Variants in DLG2 observed in about 807,000 individuals in gnomAD.
DLG2 encodes the protein disks large homolog 2.
A neutral mutation model predicts 132.5 loss-of-function variants in DLG2; 45 were observed. The observed-to-expected ratio is 0.34, with a 90% CI of 0.27 to 0.44. The LOEUF (loss-of-function observed/expected upper bound fraction) is 0.44, where lower values mean the gene tolerates loss of function less well. DLG2 is among the 20% of genes least tolerant of loss of function. The probability of loss-of-function intolerance (pLI) is 1.00; values close to 1 mark genes in which losing one functional copy is unlikely to be tolerated. For synonymous variants in DLG2, 424 were observed against 419.6 expected (o/e 1.01, Z -0.13); for missense variants, 1,045 against 1,196.9 (o/e 0.87, Z 1.87).
At chr11:84,934,396 T>A (rs1289559053) in intron 6 of DLG2, among the ~76,000 whole-genome samples, 2 of 151,774 alleles carry the variant, frequency 1.3e-5, no homozygotes, top group African/African-American at 4.8e-5. Flanking sequence ...ACAGAATGAG[T>A]CAGGGAGGAG....
At position 84,520,995 on chromosome 11, in the gene DLG2, T is replaced by C. The variant is rs544048839; in HGVS notation, c.519+13575A>G. Among the ~76,000 whole-genome samples, 44 of 152,314 alleles carry C rather than the reference T, an allele frequency of 2.9e-4. 1 individual carries two copies. In the East Asian group the frequency reaches 3.1e-3, roughly 11 times the overall value. On this transcript the variant is annotated intron_variant, in intron 7 of 27. Transcript: ENST00000376104. Reference sequence around the variant, plus strand: ...AGCATCCCATAGAGAAATAATAGCATTGCTACGATGTACATTAGTCTTTGA... The same window carrying C: ...AGCATCCCATAGAGAAATAATAGCACTGCTACGATGTACATTAGTCTTTGA...
At chr11:84,431,499 T>C (rs1248660811) in intron 7 of DLG2, among the ~76,000 whole-genome samples, 1 of 152,134 alleles carries the variant, frequency 6.6e-6, no homozygotes, top group African/African-American at 2.4e-5. Flanking sequence ...ATCTAAATGG[T>C]TCCAGTTTGA....
intron 3 of DLG2, among the ~76,000 whole-genome samples, chr11:85,303,830 C>A (rs2079765677): frequency 1.3e-5 from 2 of 152,152 alleles, no homozygotes. Flanking sequence ...AAATCCAAGA[C>A]CCTGTTAACT....
At chr11:83,760,409 C>T (rs563525992) in intron 18 of DLG2, among the ~76,000 whole-genome samples, 3 of 152,088 alleles carry the variant, frequency 2.0e-5, no homozygotes, top group Non-Finnish European at 4.4e-5. Flanking sequence ...TTTCTCATTT[C>T]TAGACTTCCA....
chr11:85,415,361 T>G (rs2089735247), intron 3 of DLG2, among the ~76,000 whole-genome samples: 1 of 152,204 alleles, frequency 6.6e-6, no homozygotes, highest in Non-Finnish European at 1.5e-5. Context: ...TTCTAATTCT[T>G]TGGGTTTATA....
intron 7 of DLG2, among the ~76,000 whole-genome samples, chr11:84,504,242 T>C (rs1009612379): frequency 6.6e-6 from 1 of 152,178 alleles, no homozygotes; most frequent in Non-Finnish European, 1.5e-5. Context: ...GCCCCTGTCT[T>C]TCTACTATCC....
At chr11:85,518,868 A>C (rs1040868878) in intron 3 of DLG2, among the ~76,000 whole-genome samples, 1 of 152,144 alleles carries the variant, frequency 6.6e-6, no homozygotes, top group Non-Finnish European at 1.5e-5. Flanking sequence ...AGCCATGACT[A>C]AAAGTGGTCA....
chr11:83,677,486 T>A (rs1316244660), intron 18 of DLG2, among the ~76,000 whole-genome samples: 1 of 152,058 alleles, frequency 6.6e-6, no homozygotes, highest in Non-Finnish European at 1.5e-5. Flanking sequence ...CTTCCCAACT[T>A]CCTGAGACAG....
chr11:84,116,315 T>A lies in DLG2; in HGVS notation c.625-17268A>T, dbSNP rs567336150. On this transcript the variant is annotated intron_variant, in intron 9 of 27. Transcript: ENST00000376104. ...CATAAAAGGTACTCAATAAAAAGGA[T>A]ATCCCTGTCCTGCTCAATCGAAATA... 2.6e-5 allele frequency among the ~76,000 whole-genome samples: 4 copies of A among 152,354 alleles called. No individual in the cohort carries two copies. In the East Asian group the frequency reaches 7.7e-4, roughly 29 times the overall value.
At chr11:85,246,681 AGTT>A (rs768858257) in intron 4 of DLG2, among the ~76,000 whole-genome samples, 1 of 152,034 alleles carries the variant, frequency 6.6e-6, no homozygotes, top group Non-Finnish European at 1.5e-5. Flanking sequence ...TCATGAGAAT[AGTT>A]GTTAGTATTT....
At chr11:84,650,871 G>GTA (rs1398321637) in intron 6 of DLG2, among the ~76,000 whole-genome samples, 60 of 124,640 alleles carry the variant, frequency 4.8e-4, no homozygotes, top group Admixed American at 6.9e-4. Context: ...GTGTGTGTGT[G>GTA]TGTATATATA....
intron 6 of DLG2, among the ~76,000 whole-genome samples, chr11:84,966,057 T>C (rs896141732): frequency 6.6e-6 from 1 of 152,034 alleles, no homozygotes; most frequent in Non-Finnish European, 1.5e-5. Context: ...ATAAAGCACA[T>C]GTTTGGTATT....
intron 6 of DLG2, among the ~76,000 whole-genome samples, chr11:85,049,397 A>G (rs1373051323): frequency 6.6e-6 from 1 of 152,058 alleles, no homozygotes; most frequent in Non-Finnish European, 1.5e-5. Context: ...ACCTAGCACT[A>G]TGTCTGCAAT....
intron 15 of DLG2, among the ~76,000 whole-genome samples, chr11:83,913,171 G>A (rs1448854236): frequency 6.6e-6 from 1 of 151,928 alleles, no homozygotes; most frequent in Non-Finnish European, 1.5e-5. Context: ...ATATGCCCTC[G>A]ATTATAGCAG....
At chr11:85,330,790 A>AT (rs1555057141) in intron 3 of DLG2, among the ~76,000 whole-genome samples, 15 of 99,776 alleles carry the variant, frequency 1.5e-4, no homozygotes, top group African/African-American at 6.3e-4. Context: ...AAAAAAAAAA[A>AT]TTAAAAAAAA....
intron 7 of DLG2, among the ~76,000 whole-genome samples, chr11:84,401,906 C>G (rs1029079255): frequency 4.6e-5 from 7 of 152,058 alleles, no homozygotes; most frequent in African/African-American, 1.7e-4. Context: ...TTTATTTGCA[C>G]GTTTGACATG....
At chr11:85,434,012 T>C (rs2091338312) in intron 3 of DLG2, among the ~76,000 whole-genome samples, 1 of 151,420 alleles carries the variant, frequency 6.6e-6, no homozygotes, top group Non-Finnish European at 1.5e-5. Flanking sequence ...GGATTAAGAG[T>C]TCTAACTCAC....
intron 11 of DLG2, among the ~76,000 whole-genome samples, chr11:84,030,300 A>C (rs188607410): frequency 1.3e-5 from 2 of 152,292 alleles, no homozygotes; most frequent in Admixed American, 1.3e-4. Flanking sequence ...TTGAAAGAAC[A>C]AATTAACATA....
intron 16 of DLG2, among the ~76,000 whole-genome samples, chr11:83,860,919 A>G (rs2061356964): frequency 6.6e-6 from 1 of 152,134 alleles, no homozygotes; most frequent in Non-Finnish European, 1.5e-5. Flanking sequence ...TCCCTGCACA[A>G]GCTCTCTCTT....
Sources: allele counts gnomAD v4.1 joint callset (sites outside exome capture counted in the v4.1 genomes callset), GRCh38; gene constraint gnomAD v4.1.1; transcripts MANE v1.5; gene names NCBI Gene and HGNC (gene_info 2026-07-23, HGNC 2026-07-21).